The following MFSD6 variants were observed in gnomAD, a reference collection of about 807,000 sequenced individuals.
The protein encoded by MFSD6 is major facilitator superfamily domain-containing protein 6.
A neutral mutation model predicts 56.3 loss-of-function variants in MFSD6; 26 were observed. That is an observed-to-expected ratio of 0.46 (90% confidence interval 0.34 to 0.64). The LOEUF is 0.64. Among genes scored for constraint, MFSD6 ranks in the 30% least tolerant of loss-of-function variants. The probability of loss-of-function intolerance (pLI) is 0.01; values close to 1 mark genes in which losing one functional copy is unlikely to be tolerated. For synonymous variants in MFSD6, 331 were observed against 366.9 expected (o/e 0.90, Z 1.12); for missense variants, 750 against 986.2 (o/e 0.76, Z 3.21).
chr2:190,486,842 A>G (rs973827650), intron 4 of MFSD6, among the ~76,000 whole-genome samples: 5 of 152,080 alleles, frequency 3.3e-5, no homozygotes, highest in African/African-American at 4.8e-5. Flanking sequence ...TAGCTATAAA[A>G]CCTGTTGTGA....
chr2:190,464,192 C>A (rs1451048989), intron 3 of MFSD6, among the ~76,000 whole-genome samples: 1 of 152,206 alleles, frequency 6.6e-6, no homozygotes, highest in East Asian at 1.9e-4. Context: ...AGACAAGTGT[C>A]AGTCTAACGG....
rs750764930 is a variant in MFSD6, at chr2:190,436,515, GATTCGCCCAA to G, written c.487_496del (p.Ile163GlnfsTer11). On this transcript the variant is annotated frameshift_variant, in exon 3 of 8. Transcript: ENST00000392328. LOFTEE classifies it high-confidence loss of function. This position sits in a 1 kb window ranked among gnomAD's most constrained non-coding sequence, Gnocchi z 5.3. ...CTGCTACCTTGAGATGTGTACCAAAGATTCGCCCAACAACTCACCCCACCAATGCAAGTCA... is the reference window on the plus strand; with the variant it reads ...CTGCTACCTTGAGATGTGTACCAAAGCAACTCACCCCACCAATGCAAGTCA... 6.2e-7 allele frequency: 1 copy of G among 1,614,192 alleles called. No individual in the cohort carries two copies. Among genetic ancestry groups the G allele is most frequent in the South Asian group, 1.1e-5 (1 of 91,084 alleles).
At position 190,454,950 on chromosome 2, in the gene MFSD6, ATATG is replaced by A. The variant is rs985397058; in HGVS notation, c.1533-14804_1533-14801del. On this transcript the variant is annotated intron_variant, in intron 3 of 7. Transcript: ENST00000392328. The surrounding 1 kb of genome is among the most constrained non-coding windows in gnomAD (Gnocchi z 4.6). ...GGTTTCTGTATGTATATGTATATGT[ATATG>A]TATATGTATATGTATATGTATATGT... 1.1e-5 allele frequency among the ~76,000 whole-genome samples: 1 copy of A among 91,136 alleles called. No individual in the cohort carries two copies. Among genetic ancestry groups the A allele is most frequent in the East Asian group, 3.6e-4 (1 of 2,814 alleles). The allele number at this position is 91,136 out of a possible 152,430, so 59.8% of individuals were successfully genotyped here.
In MFSD6 at chr2:190,499,788, C is replaced by CA; in HGVS notation, c.2173-226dup. Reference sequence around the variant, plus strand: ...TAGTAATGTTCCTTTTTCCACAAGACACGTCTGCTTATAGTGTTTGTGTTT... The same window carrying CA: ...TAGTAATGTTCCTTTTTCCACAAGACAACGTCTGCTTATAGTGTTTGTGTTT... On this transcript the variant is annotated intron_variant, in intron 7 of 7. Coordinates refer to ENST00000392328, the MANE Select transcript of MFSD6 (RefSeq NM_017694.4). The surrounding 1 kb of genome is among the most constrained non-coding windows in gnomAD (Gnocchi z 6.0). The CA allele has an allele frequency of 1.3e-6, 2 of 1,499,756 alleles. No individual in the cohort carries two copies. The highest frequency in any genetic ancestry group is 1.8e-6 in the Non-Finnish European group (2 of 1,114,978). 92.9% of individuals were successfully genotyped at this position (1,499,756 alleles called of 1,614,324 possible). A position where few individuals can be genotyped will look rare whatever the true frequency, so the allele number is the denominator to read the frequency against.
chr2:190,440,836 T>G (rs368033681), intron 3 of MFSD6, among the ~76,000 whole-genome samples: 2 of 152,240 alleles, frequency 1.3e-5, no homozygotes, highest in South Asian at 2.1e-4. Flanking sequence ...AACTAGCCAG[T>G]CAGTTTGGGA....
At position 190,433,812 on chromosome 2, in the gene MFSD6, C is replaced by G. The variant is rs1575836260; in HGVS notation, c.-53-2165C>G. Among the ~76,000 whole-genome samples the G allele has an allele frequency of 2.0e-5, 3 of 152,254 alleles. No individual in the cohort carries two copies. In the East Asian group the frequency reaches 5.8e-4, roughly 29 times the overall value. ...ACAAGTATAATTTTAGAAGGTTTTTCAGAATGTTATTCATTTTGGGAAAAC... is the reference window on the plus strand; with the variant it reads ...ACAAGTATAATTTTAGAAGGTTTTTGAGAATGTTATTCATTTTGGGAAAAC... On this transcript the variant is annotated intron_variant, in intron 2 of 7. Transcript: ENST00000392328. The surrounding 1 kb of genome is among the most constrained non-coding windows in gnomAD (Gnocchi z 4.5).
In MFSD6 at chr2:190,434,760, G is replaced by A. The variant is rs1362870585; in HGVS notation, c.-53-1217G>A. ...ACACTGTTTTTCAAAAAAGTTTACTGGCATCTTATCTAAAATGTGTTATTT... is the reference window on the plus strand; with the variant it reads ...ACACTGTTTTTCAAAAAAGTTTACTAGCATCTTATCTAAAATGTGTTATTT... On this transcript the variant is annotated intron_variant, in intron 2 of 7. Transcript: ENST00000392328. This position sits in a 1 kb window ranked among gnomAD's most constrained non-coding sequence, Gnocchi z 4.3. Among the ~76,000 whole-genome samples the A allele has an allele frequency of 2.6e-5, 4 of 152,086 alleles. No homozygotes were observed. The highest frequency in any genetic ancestry group is 9.7e-5 in the African/African-American group (4 of 41,388).
chr2:190,490,490 G>A lies in MFSD6; in HGVS notation c.1891+624G>A, dbSNP rs1689280345. On this transcript the variant is annotated intron_variant, in intron 6 of 7. Coordinates refer to ENST00000392328, the MANE Select transcript of MFSD6 (RefSeq NM_017694.4). This position sits in a 1 kb window ranked among gnomAD's most constrained non-coding sequence, Gnocchi z 4.5. ...AGGCAGGAGAATGGCGTGAACCCAG[G>A]AGGTGGAGCTTGCAGTGAGCCGAGA... 6.6e-6 allele frequency among the ~76,000 whole-genome samples: 1 copy of A among 151,964 alleles called. No homozygotes were observed.
rs141468742 is a variant in MFSD6, at chr2:190,426,477, G to C, written c.-53-9500G>C. The stretch of plus-strand genomic sequence containing the variant: ...TGCCTATCTAAGCATTTTTAGGATG[G>C]CTTTTTAAAAATATTTTAAATTCAG... On this transcript the variant is annotated intron_variant, in intron 2 of 7. Transcript: ENST00000392328. The surrounding 1 kb of genome is among the most constrained non-coding windows in gnomAD (Gnocchi z 4.7). 5.5e-4 allele frequency among the ~76,000 whole-genome samples: 84 copies of C among 151,970 alleles called. 1 individual carries two copies. The highest frequency in any genetic ancestry group is 2.0e-3 in the African/African-American group (82 of 41,448).
At chr2:190,482,736 A>G (rs1363640572) in intron 4 of MFSD6, among the ~76,000 whole-genome samples, 2 of 152,080 alleles carry the variant, frequency 1.3e-5, no homozygotes, top group African/African-American at 2.4e-5. Flanking sequence ...AAGACTGAAC[A>G]ATTTTGAAAT....
Position 190,496,950 on chromosome 2 carries a change from T to G in MFSD6, c.1892-489T>G, listed in dbSNP as rs1208885569. Among the ~76,000 whole-genome samples, 1 of 152,106 alleles carries G rather than the reference T, an allele frequency of 6.6e-6. No individual in the cohort carries two copies. Among genetic ancestry groups the G allele is most frequent in the Non-Finnish European group, 1.5e-5 (1 of 68,018 alleles). ...GGGTGAGGGATACAAGACTACAAATTGGGTTCATTGTATACTGCTTGGGTG... is the reference window on the plus strand; with the variant it reads ...GGGTGAGGGATACAAGACTACAAATGGGGTTCATTGTATACTGCTTGGGTG... On this transcript the variant is annotated intron_variant, in intron 6 of 7. Transcript: ENST00000392328. This position sits in a 1 kb window ranked among gnomAD's most constrained non-coding sequence, Gnocchi z 4.7.
Position 190,498,855 on chromosome 2 carries a change from A to G in MFSD6, c.2172+1136A>G, listed in dbSNP as rs1442406441. On this transcript the variant is annotated intron_variant, in intron 7 of 7. Coordinates refer to ENST00000392328, the MANE Select transcript of MFSD6 (RefSeq NM_017694.4). The surrounding 1 kb of genome is among the most constrained non-coding windows in gnomAD (Gnocchi z 5.9). ...TTTTTTCTGGTATGTTAGGATTAAT[A>G]AATTTTTTTCTGGGCTGGGCATGGT... 6.6e-6 allele frequency among the ~76,000 whole-genome samples: 1 copy of G among 152,182 alleles called. No individual in the cohort carries two copies. The highest frequency in any genetic ancestry group is 6.5e-5 in the Admixed American group (1 of 15,270).
chr2:190,464,800 A>G, intron 3 of MFSD6: 8 of 455,342 alleles, frequency 1.8e-5, no homozygotes, highest in Non-Finnish European at 1.7e-5. Flanking sequence ...GACCAAGTAG[A>G]TTTCCTCTTC....
rs1689594969 is a variant in MFSD6 at position 190,495,130 on chromosome 2, C to A, written c.1892-2309C>A. 6.6e-6 allele frequency among the ~76,000 whole-genome samples: 1 copy of A among 152,130 alleles called. No individual in the cohort carries two copies. The highest frequency in any genetic ancestry group is 2.4e-5 in the African/African-American group (1 of 41,430). On this transcript the variant is annotated intron_variant, in intron 6 of 7. Transcript: ENST00000392328. The surrounding 1 kb of genome is among the most constrained non-coding windows in gnomAD (Gnocchi z 4.7). ...AGACTCCTCCTAAAAGCTCTTAGAA[C>A]TGATAAATGAATTCAGCAAAGTTTC...
At position 190,439,116 on chromosome 2, in the gene MFSD6, T is replaced by G. The variant is rs113425758; in HGVS notation, c.1532+1555T>G. On this transcript the variant is annotated intron_variant, in intron 3 of 7. Transcript: ENST00000392328. The surrounding 1 kb of genome is among the most constrained non-coding windows in gnomAD (Gnocchi z 5.8). ...AATTTTGTCCACACCATGTTTAGAT[T>G]ATCTGAGCTGTTTAAATTGACCGAG... Among the ~76,000 whole-genome samples, 3 of 152,158 alleles carry G rather than the reference T, an allele frequency of 2.0e-5. No individual in the cohort carries two copies. Among genetic ancestry groups the G allele is most frequent in the African/African-American group, 7.2e-5 (3 of 41,506 alleles).
In MFSD6 at chr2:190,499,838, A is replaced by G; in HGVS notation, c.2173-177A>G. The G allele has an allele frequency of 6.5e-7, 1 of 1,544,422 alleles. No individual in the cohort carries two copies. Among genetic ancestry groups the G allele is most frequent in the South Asian group, 1.2e-5 (1 of 83,174 alleles). ...TTTCATGCGGCTCTGGCAGTTGCAC[A>G]TAGGAAAGGAGATGAAAGGTAAGAC... On this transcript the variant is annotated intron_variant, in intron 7 of 7. Coordinates refer to ENST00000392328, the MANE Select transcript of MFSD6 (RefSeq NM_017694.4). The surrounding 1 kb of genome is among the most constrained non-coding windows in gnomAD (Gnocchi z 6.0).
In MFSD6 at chr2:190,434,213, G is replaced by T. The variant is rs1422749067; in HGVS notation, c.-53-1764G>T. The stretch of plus-strand genomic sequence containing the variant: ...AAAAAAAAGAAAAAAAAGAAAAGAA[G>T]GTGAAAGGAATTAACACATATTTAA... On this transcript the variant is annotated intron_variant, in intron 2 of 7. Transcript: ENST00000392328. This position sits in a 1 kb window ranked among gnomAD's most constrained non-coding sequence, Gnocchi z 4.3. Among the ~76,000 whole-genome samples, 2 of 150,210 alleles carry T rather than the reference G, an allele frequency of 1.3e-5. No homozygotes were observed. The highest frequency in any genetic ancestry group is 3.9e-4 in the East Asian group (2 of 5,122).
Position 190,433,703 on chromosome 2 carries a change from CAG to C in MFSD6, c.-53-2272_-53-2271del, listed in dbSNP as rs1686080993. On this transcript the variant is annotated intron_variant, in intron 2 of 7. Coordinates refer to ENST00000392328, the MANE Select transcript of MFSD6 (RefSeq NM_017694.4). This position sits in a 1 kb window ranked among gnomAD's most constrained non-coding sequence, Gnocchi z 4.5. ...ATTGACATCTGGCTTTTGGGGATAACAGATAAATTGACTCCTTACACAGGTCT... is the reference window on the plus strand; with the variant it reads ...ATTGACATCTGGCTTTTGGGGATAACATAAATTGACTCCTTACACAGGTCT... 6.6e-6 allele frequency among the ~76,000 whole-genome samples: 1 copy of C among 152,146 alleles called. No homozygotes were observed.
rs1016357350 is a variant in MFSD6, at chr2:190,485,121, T to C, written c.1631-3536T>C. On this transcript the variant is annotated intron_variant, in intron 4 of 7. Transcript: ENST00000392328. The surrounding 1 kb of genome is among the most constrained non-coding windows in gnomAD (Gnocchi z 5.1). ...AGCATCCTGACTTAAGTCATCCCAC[T>C]GGAAAATGCTTTAATTATCTTAGAA... is the stretch of plus-strand genomic sequence containing the variant. Among the ~76,000 whole-genome samples, 1 of 152,192 alleles carries C rather than the reference T, an allele frequency of 6.6e-6. No individual in the cohort carries two copies. The highest frequency in any genetic ancestry group is 1.5e-5 in the Non-Finnish European group (1 of 68,020).
Sources: allele counts gnomAD v4.1 joint callset (sites outside exome capture counted in the v4.1 genomes callset), GRCh38; gene constraint gnomAD v4.1.1; non-coding constraint Gnocchi (gnomAD v3.1); transcripts MANE v1.5; gene names NCBI Gene and HGNC (gene_info 2026-07-23, HGNC 2026-07-21).